The following GTF2I variants were observed in gnomAD, a reference collection of about 807,000 sequenced individuals.
GTF2I encodes general transcription factor II-I.
In GTF2I, 12 loss-of-function variants were observed where a neutral mutation model predicts 67.6. The ratio of observed to expected loss-of-function variants is 0.18; its 90% CI spans 0.11 to 0.29. The LOEUF (loss-of-function observed/expected upper bound fraction) is 0.29. Among genes scored for constraint, GTF2I ranks in the 10% least tolerant of loss-of-function variants. The pLI is 1.00. For synonymous variants in GTF2I, 149 were observed against 197.0 expected (o/e 0.76, Z 2.04); for missense variants, 271 against 580.1 (o/e 0.47, Z 5.47).
At chr7:74,688,002 T>C (rs587737613) in intron 1 of GTF2I, among the ~76,000 whole-genome samples, 1 of 152,346 alleles carries the variant, frequency 6.6e-6, no homozygotes, top group East Asian at 1.9e-4. Context: ...GTTTCAGTTT[T>C]AGAAATTTGC....
chr7:74,662,781 CAA>C (rs1477804737), intron 1 of GTF2I, among the ~76,000 whole-genome samples: 1 of 152,004 alleles, frequency 6.6e-6, no homozygotes, highest in African/African-American at 2.4e-5. Flanking sequence ...CTAGGCCTCC[CAA>C]AGTGTTGGGC....
chr7:74,658,659 G>C, intron 1 of GTF2I, among the ~76,000 whole-genome samples: 1 of 150,450 alleles, frequency 6.6e-6, no homozygotes, highest in Non-Finnish European at 1.5e-5. Flanking sequence ...GCGGCGGGCG[G>C]GGGAGCGGGA....
At position 74,700,347 on chromosome 7, in the gene GTF2I, C is replaced by G; in HGVS notation, c.474C>G (p.Ala158=). Residue 158 remains alanine (A), a synonymous_variant, in exon 5 of 35, where the codon GCC becomes GCG. Transcript: ENST00000573035. ...TGCAGGGGCTTCCGGAAGGTGTTGC[C>G]TTTAAACACCCCGAGAACTATGATC... ...VVVQGLPEGV[A]FKHPENYDLA... 6.2e-7 allele frequency: 1 copy of G among 1,614,088 alleles called. No homozygotes were observed.
intron 1 of GTF2I, among the ~76,000 whole-genome samples, chr7:74,681,875 G>A (rs587727633): frequency 2.6e-5 from 4 of 151,714 alleles, no homozygotes; most frequent in Admixed American, 2.6e-4. Context: ...TTGTGTTACT[G>A]CACTCCAACC....
chr7:74,692,211 T>A (rs587715521), intron 3 of GTF2I, among the ~76,000 whole-genome samples: 1 of 152,152 alleles, frequency 6.6e-6, no homozygotes, highest in South Asian at 2.1e-4. Flanking sequence ...GTAGCTGGGA[T>A]TACAGGTGCA....
chr7:74,712,164 T>C (rs1291452239), intron 9 of GTF2I, among the ~76,000 whole-genome samples: 2 of 152,158 alleles, frequency 1.3e-5, no homozygotes, highest in African/African-American at 2.4e-5. Flanking sequence ...TTGGCCAGGC[T>C]GGTCTCGAGC....
intron 1 of GTF2I, among the ~76,000 whole-genome samples, chr7:74,679,615 A>G (rs1787035849): frequency 6.6e-6 from 1 of 152,032 alleles, no homozygotes; most frequent in Non-Finnish European, 1.5e-5. Flanking sequence ...AAAACCTGCC[A>G]TTCTTTGATT....
chr7:74,658,341 G>T (rs1804115701), intron 1 of GTF2I, among the ~76,000 whole-genome samples: 1 of 148,418 alleles, frequency 6.7e-6, no homozygotes, highest in Non-Finnish European at 1.5e-5. Context: ...ACGCGGTCGC[G>T]GGGGACGACA....
chr7:74,693,924 G>C (rs1450718041), intron 3 of GTF2I, among the ~76,000 whole-genome samples: 1 of 152,182 alleles, frequency 6.6e-6, no homozygotes, highest in Non-Finnish European at 1.5e-5. Flanking sequence ...AGACTTGCAG[G>C]CTGCTCACTT....
chr7:74,663,046 T>C (rs1804661767), intron 1 of GTF2I, among the ~76,000 whole-genome samples: 1 of 152,168 alleles, frequency 6.6e-6, no homozygotes, highest in African/African-American at 2.4e-5. Context: ...AGCTGAACAC[T>C]GAACAATTAC....
At chr7:74,665,632 T>C (rs782739458) in intron 1 of GTF2I, among the ~76,000 whole-genome samples, 4 of 152,214 alleles carry the variant, frequency 2.6e-5, no homozygotes, top group Non-Finnish European at 5.9e-5. Context: ...AGTGCTTAGG[T>C]TGCTGTCTGG....
chr7:74,717,213 T>G, intron 11 of GTF2I: 1 of 306,942 alleles, frequency 3.3e-6, no homozygotes. Flanking sequence ...CTTTTTTTTT[T>G]GTCCTGGTTT....
At chr7:74,721,995 GCT>G (rs1454989788) in intron 12 of GTF2I, among the ~76,000 whole-genome samples, 1 of 152,136 alleles carries the variant, frequency 6.6e-6, no homozygotes, top group African/African-American at 2.4e-5. Flanking sequence ...ATTCCTGCTT[GCT>G]TGGAGACGAC....
At chr7:74,710,920 A>T in intron 8 of GTF2I, 112 bp from the exon 9 acceptor site, 1 of 566,116 alleles carries the variant, frequency 1.8e-6, no homozygotes, top group Non-Finnish European at 3.2e-6. Flanking sequence ...TAAAGTCTTT[A>T]CTTAAAATAA....
chr7:74,720,246 GT>G (rs1203025344), intron 12 of GTF2I, among the ~76,000 whole-genome samples: 4 of 151,518 alleles, frequency 2.6e-5, no homozygotes, highest in African/African-American at 7.3e-5. Context: ...TACTTTATTA[GT>G]TTTTTTTTCT....
intron 1 of GTF2I, among the ~76,000 whole-genome samples, chr7:74,674,189 G>A (rs1322277021): frequency 6.6e-6 from 1 of 150,590 alleles, no homozygotes; most frequent in Non-Finnish European, 1.5e-5. Flanking sequence ...CTTGCCTCAG[G>A]CTCCTGAGTA....
intron 6 of GTF2I, among the ~76,000 whole-genome samples, chr7:74,701,744 C>T (rs1789798634): frequency 6.6e-6 from 1 of 152,132 alleles, no homozygotes; most frequent in African/African-American, 2.4e-5. Flanking sequence ...GGATTACAGG[C>T]GTGAGCCACT....
At chr7:74,723,682 C>T (rs909154846) in intron 12 of GTF2I, among the ~76,000 whole-genome samples, 3 of 151,802 alleles carry the variant, frequency 2.0e-5, no homozygotes, top group African/African-American at 4.8e-5. Flanking sequence ...CCACCCGCCT[C>T]GGCCTCCCAA....
At chr7:74,719,009 T>C (rs1462838383) in intron 12 of GTF2I, 68 bp downstream of exon 12, 2 of 764,754 alleles carry the variant, frequency 2.6e-6, no homozygotes, top group African/African-American at 3.6e-5. Flanking sequence ...CACATTCACA[T>C]TGCTAAATAT....
Sources: allele counts gnomAD v4.1 joint callset (sites outside exome capture counted in the v4.1 genomes callset), GRCh38; gene constraint gnomAD v4.1.1; transcripts MANE v1.5; gene names NCBI Gene and HGNC (gene_info 2026-07-23, HGNC 2026-07-21).